PLEKHH2: variants seen among roughly 807,000 people sequenced by gnomAD.
PLEKHH2 encodes the protein pleckstrin homology, MyTH4 and FERM domain containing H2, also known as pleckstrin homology domain-containing family H member 2.
In PLEKHH2, 129 loss-of-function variants were observed where a neutral mutation model predicts 187.9. The observed-to-expected ratio is 0.69, with a 90% CI of 0.59 to 0.79. PLEKHH2 has a LOEUF of 0.79. Among genes scored for constraint, PLEKHH2 ranks in the 30% least tolerant of loss-of-function variants. The probability of loss-of-function intolerance (pLI) is 0.00; values close to 1 mark genes in which losing one functional copy is unlikely to be tolerated. For missense variants in PLEKHH2, 2,076 were observed against 1,751.2 expected, an observed-to-expected ratio of 1.19 and a Z score of -3.31; for synonymous variants, 686 against 605.6, an observed-to-expected ratio of 1.13 and a Z score of -1.95.
At chr2:43,651,522 A>C (rs1312942300) in intron 2 of PLEKHH2, among the ~76,000 whole-genome samples, 3 of 152,210 alleles carry the variant, frequency 2.0e-5, no homozygotes, top group Non-Finnish European at 4.4e-5. Context: ...AACAAATAGC[A>C]AAGGACAGAA....
intron 2 of PLEKHH2, among the ~76,000 whole-genome samples, chr2:43,674,448 G>A (rs1171574354): frequency 6.6e-6 from 1 of 152,156 alleles, no homozygotes; most frequent in Non-Finnish European, 1.5e-5. Context: ...TTGGTTTAGG[G>A]AATATTCTAG....
At chr2:43,646,130 C>G (rs935170686) in intron 2 of PLEKHH2, among the ~76,000 whole-genome samples, 1 of 152,068 alleles carries the variant, frequency 6.6e-6, no homozygotes, top group Non-Finnish European at 1.5e-5. Flanking sequence ...TCAATGAATC[C>G]TGAACTTCAA....
intron 2 of PLEKHH2, chr2:43,676,470 C>T (rs897282931): frequency 1.9e-5 from 12 of 618,706 alleles, no homozygotes; most frequent in African/African-American, 1.7e-4. Flanking sequence ...GAGAAGGGGG[C>T]GGGGCAGGAG....
At chr2:43,705,056 T>G (rs1443005262) in intron 9 of PLEKHH2, among the ~76,000 whole-genome samples, 4 of 152,144 alleles carry the variant, frequency 2.6e-5, no homozygotes, top group African/African-American at 9.7e-5. Flanking sequence ...CAAAAAATTC[T>G]TATGGAAACA....
intron 11 of PLEKHH2, 128 bp from the exon 12 acceptor site, chr2:43,709,862 T>TGAGAATA (rs1216951399): frequency 1.0e-6 from 1 of 962,264 alleles, no homozygotes; most frequent in Non-Finnish European, 1.5e-6. Flanking sequence ...GCCAAAGGAA[T>TGAGAATA]GAGAATAAAT....
intron 1 of PLEKHH2, among the ~76,000 whole-genome samples, chr2:43,644,429 G>T (rs146575319): frequency 7.9e-6 from 1 of 126,840 alleles, no homozygotes; most frequent in South Asian, 2.5e-4. Context: ...ACATAGAAAG[G>T]TTAAGTAGCA....
chr2:43,701,787 G>C (rs1365679299), intron 8 of PLEKHH2, among the ~76,000 whole-genome samples: 1 of 120,190 alleles, frequency 8.3e-6, no homozygotes, highest in African/African-American at 3.3e-5. Flanking sequence ...TTTTTTTTGA[G>C]ATGAAGTTTC....
chr2:43,682,639 G>A (rs547390117), intron 3 of PLEKHH2, among the ~76,000 whole-genome samples: 33 of 152,208 alleles, frequency 2.2e-4, no homozygotes, highest in South Asian at 1.0e-3. Flanking sequence ...TTTCAGTGTT[G>A]TGTACAATCA....
chr2:43,755,729 C>T (rs745388629), intron 25 of PLEKHH2, among the ~76,000 whole-genome samples: 8 of 152,086 alleles, frequency 5.3e-5, no homozygotes, highest in Non-Finnish European at 1.0e-4. Context: ...TGATTGATGC[C>T]GGCTGTTTGT....
intron 3 of PLEKHH2, among the ~76,000 whole-genome samples, chr2:43,682,498 G>C (rs1668245478): frequency 1.3e-5 from 2 of 151,958 alleles, no homozygotes; most frequent in Admixed American, 1.3e-4. Flanking sequence ...AGAGAGATGG[G>C]GTTTCACCAT....
At chr2:43,648,324 G>A (rs890034840) in intron 2 of PLEKHH2, among the ~76,000 whole-genome samples, 2 of 151,710 alleles carry the variant, frequency 1.3e-5, no homozygotes, top group Admixed American at 6.6e-5. Context: ...GAGTAGCTGG[G>A]ACTACAGGCA....
chr2:43,659,426 A>G (rs1666956997), intron 2 of PLEKHH2, among the ~76,000 whole-genome samples: 1 of 151,774 alleles, frequency 6.6e-6, no homozygotes, highest in South Asian at 2.1e-4. Context: ...TCTCTTTGAC[A>G]ATCCTAAACA....
In PLEKHH2 at chr2:43,699,977, CT is replaced by C. The variant is rs1669275525; in HGVS notation, c.1023del (p.Phe341LeufsTer3). 6.2e-7 allele frequency: 1 copy of C among 1,614,134 alleles called. No homozygotes were observed. Among genetic ancestry groups the C allele is most frequent in the African/African-American group, 1.3e-5 (1 of 75,026 alleles). On this transcript the variant is annotated frameshift_variant, in exon 8 of 30. Coordinates refer to ENST00000282406, the MANE Select transcript of PLEKHH2 (RefSeq NM_172069.4). LOFTEE classifies it high-confidence loss of function. The part of the protein sequence containing the change: ...DDSSSIFEEE[T>X]FGIKRPEHKK... ...AGCAGCTCTATATTTGAGGAAGAGA[CT>C]TTTGGCATAAAGAGACCAGAACACA...
chr2:43,735,501 G>T (rs777706155), intron 19 of PLEKHH2, among the ~76,000 whole-genome samples: 11 of 152,148 alleles, frequency 7.2e-5, no homozygotes, highest in Non-Finnish European at 1.5e-5. Context: ...ATAAGTTCTA[G>T]TGTTCAACAG....
At chr2:43,711,849 G>A in intron 14 of PLEKHH2, 2 of 713,636 alleles carry the variant, frequency 2.8e-6, no homozygotes, top group Non-Finnish European at 3.5e-6. Flanking sequence ...AGCCAAGATG[G>A]CGCCACTGCA....
Position 43,699,981 on chromosome 2 carries a change from T to G in PLEKHH2, c.1023T>G (p.Phe341Leu). ...DSSSIFEEET[F>L]GIKRPEHKKL... ...GCTCTATATTTGAGGAAGAGACTTT[T>G]GGCATAAAGAGACCAGAACACAAGA... Residue 341 changes from phenylalanine (F) to leucine (L), a missense_variant, in exon 8 of 30, where the codon TTT (phenylalanine) becomes TTG (leucine). By Grantham distance (22) the Phe-to-Leu change is conservative. Coordinates refer to ENST00000282406, the MANE Select transcript of PLEKHH2 (RefSeq NM_172069.4). 1 of 1,614,208 alleles carries G rather than the reference T, an allele frequency of 6.2e-7. No individual in the cohort carries two copies. The highest frequency in any genetic ancestry group is 1.1e-5 in the South Asian group (1 of 91,084).
At chr2:43,726,527 C>A in intron 17 of PLEKHH2, 76 bp downstream of exon 17, 1 of 1,338,968 alleles carries the variant, frequency 7.5e-7, no homozygotes, top group Non-Finnish European at 1.0e-6. Flanking sequence ...ATTATCAAAT[C>A]AATTTAATGG....
At chr2:43,706,563 A>C (rs1413274719) in intron 10 of PLEKHH2, 147 bp downstream of exon 10, 5 of 638,356 alleles carry the variant, frequency 7.8e-6, no homozygotes, top group Non-Finnish European at 1.3e-5. Flanking sequence ...TTAACATATC[A>C]TAAAAAAGAA....
At chr2:43,742,694 G>A (rs1048252723) in intron 21 of PLEKHH2, 47 bp from the exon 22 acceptor site, 5 of 1,361,176 alleles carry the variant, frequency 3.7e-6, no homozygotes, top group South Asian at 1.6e-5. Context: ...ATATTAGGTT[G>A]TCAATTAAAT....
Sources: gnomAD v4.1 joint callset for allele counts (sites outside exome capture counted in the v4.1 genomes callset) on GRCh38, gnomAD v4.1.1 for gene constraint, MANE v1.5 for transcripts, NCBI Gene and HGNC (gene_info 2026-07-23, HGNC 2026-07-21) for gene names.